Variants in SLC44A5 observed in about 807,000 individuals in gnomAD.
SLC44A5 encodes the protein solute carrier family 44 member 5, also known as choline transporter-like protein 5.
In SLC44A5, 57 loss-of-function variants were observed where a neutral mutation model predicts 101.8. The observed-to-expected ratio is 0.56, with a 90% CI of 0.45 to 0.70. The LOEUF is 0.70. Among genes scored for constraint, SLC44A5 ranks in the 30% least tolerant of loss-of-function variants. The pLI, the probability that SLC44A5 is intolerant of heterozygous loss-of-function variation, is 0.00. For synonymous variants in SLC44A5, 281 were observed against 290.9 expected (o/e 0.97, Z 0.35); for missense variants, 737 against 853.1 (o/e 0.86, Z 1.70).
chr1:75,563,739 C>A (rs1316347602), intron 1 of SLC44A5, among the ~76,000 whole-genome samples: 10 of 152,004 alleles, frequency 6.6e-5, no homozygotes, highest in Admixed American at 6.6e-4. Flanking sequence ...CCGCATTATC[C>A]TAAACCACAT....
At chr1:75,259,086 A>C (rs1171423021) in intron 6 of SLC44A5, among the ~76,000 whole-genome samples, 1 of 152,204 alleles carries the variant, frequency 6.6e-6, no homozygotes, top group Non-Finnish European at 1.5e-5. Flanking sequence ...CAGCACAAAA[A>C]GGCTGAAAAT....
rs1175778408 is a variant in SLC44A5, at chr1:75,211,834, T to TTTTC, written c.1963-283_1963-282insGAAA. Reference sequence around the variant, plus strand: ...TTCCCCTTTCTTTTCTTTTCTTTTCTTTTTTTTCTTTTCTTTTCCCTCCCT... The same window carrying TTTTC: ...TTCCCCTTTCTTTTCTTTTCTTTTCTTTTCTTTTTTTCTTTTCTTTTCCCTCCCT... On this transcript the variant is annotated intron_variant, in intron 22 of 23. Coordinates refer to ENST00000370859, the MANE Select transcript of SLC44A5 (RefSeq NM_001130058.2). 7.0e-4 allele frequency among the ~76,000 whole-genome samples: 105 copies of TTTTC among 150,540 alleles called. 1 individual carries two copies. Among genetic ancestry groups the TTTTC allele is most frequent in the African/African-American group, 2.3e-3 (96 of 41,014 alleles).
the SLC44A5 span, among the ~76,000 whole-genome samples, chr1:75,693,411 C>T: frequency 1.3e-5 from 2 of 152,192 alleles, no homozygotes; most frequent in South Asian, 4.1e-4. Context: ...AACAAACCCA[C>T]TGCCTCCTAG....
the SLC44A5 span, among the ~76,000 whole-genome samples, chr1:75,699,814 T>G: frequency 5.9e-5 from 9 of 152,188 alleles, no homozygotes; most frequent in Admixed American, 5.9e-4. Context: ...GAGGAAGATC[T>G]ACCAAGCAAA....
intron 1 of SLC44A5, among the ~76,000 whole-genome samples, chr1:75,581,325 T>C (rs1429500495): frequency 1.3e-5 from 2 of 152,182 alleles, no homozygotes; most frequent in East Asian, 1.9e-4. Context: ...ATGGAGCCTG[T>C]TAAAATTGTT....
chr1:75,371,560 A>G (rs1235479637), intron 3 of SLC44A5, among the ~76,000 whole-genome samples: 1 of 152,208 alleles, frequency 6.6e-6, no homozygotes, highest in Non-Finnish European at 1.5e-5. Context: ...ATGAAAAATT[A>G]AAAAATCAAA....
intron 1 of SLC44A5, among the ~76,000 whole-genome samples, chr1:75,581,122 G>A (rs1414255543): frequency 6.6e-6 from 1 of 152,168 alleles, no homozygotes; most frequent in Non-Finnish European, 1.5e-5. Flanking sequence ...GCCAGACCCT[G>A]AAGGCTGATG....
chr1:75,302,599 C>G lies in SLC44A5; in HGVS notation c.102-1914G>C, dbSNP rs1021639935. Among the ~76,000 whole-genome samples, 8 of 152,152 alleles carry G rather than the reference C, an allele frequency of 5.3e-5. No individual in the cohort carries two copies. In the South Asian group the frequency reaches 1.7e-3, roughly 32 times the overall value. ...ACCCTGTATTTTGTTTTTTCCTATA[C>G]ATGCAGACCTATGATAAAGTTTACT... On this transcript the variant is annotated intron_variant, in intron 4 of 23. Transcript: ENST00000370859.
intron 6 of SLC44A5, among the ~76,000 whole-genome samples, chr1:75,263,806 A>G (rs1207865517): frequency 1.3e-5 from 2 of 152,212 alleles, no homozygotes; most frequent in African/African-American, 4.8e-5. Flanking sequence ...AGCCATAAAA[A>G]AGGATGAGCT....
chr1:75,269,072 A>AT (rs1651242586), intron 6 of SLC44A5, among the ~76,000 whole-genome samples: 1 of 152,036 alleles, frequency 6.6e-6, no homozygotes, highest in Non-Finnish European at 1.5e-5. Context: ...AAATGAGGCG[A>AT]TTTTTTCTCC....
the SLC44A5 span, among the ~76,000 whole-genome samples, chr1:75,698,823 T>C: frequency 6.6e-6 from 1 of 152,128 alleles, no homozygotes; most frequent in Non-Finnish European, 1.5e-5. Flanking sequence ...CTGATGGAGC[T>C]GAAAACCAAG....
the SLC44A5 span, among the ~76,000 whole-genome samples, chr1:75,651,966 AC>A: frequency 6.6e-6 from 1 of 152,028 alleles, no homozygotes; most frequent in Non-Finnish European, 1.5e-5. Flanking sequence ...TAGATAGAAA[AC>A]CCTGAAACAA....
chr1:75,571,733 C>G (rs191813585), intron 1 of SLC44A5, among the ~76,000 whole-genome samples: 44 of 152,176 alleles, frequency 2.9e-4, no homozygotes, highest in Admixed American at 6.5e-5. Context: ...GTATTAAATG[C>G]CTTTTTGACT....
intron 4 of SLC44A5, among the ~76,000 whole-genome samples, chr1:75,307,700 CT>C (rs1384828245): frequency 1.3e-5 from 2 of 152,210 alleles, no homozygotes; most frequent in Non-Finnish European, 2.9e-5. Flanking sequence ...TATCCACCCC[CT>C]TGGTTCCAGT....
intron 2 of SLC44A5, among the ~76,000 whole-genome samples, chr1:75,422,156 T>G (rs919246269): frequency 2.0e-5 from 3 of 152,190 alleles, no homozygotes; most frequent in African/African-American, 7.2e-5. Flanking sequence ...GAAATGCCCT[T>G]TGAAAAAGGC....
At chr1:75,538,706 G>T (rs2101944159) in intron 2 of SLC44A5, among the ~76,000 whole-genome samples, 1 of 152,340 alleles carries the variant, frequency 6.6e-6, no homozygotes, top group South Asian at 2.1e-4. Flanking sequence ...TTAAATGTCT[G>T]TTGGCTTTGT....
At chr1:75,578,099 T>C (rs973341097) in intron 1 of SLC44A5, among the ~76,000 whole-genome samples, 4 of 152,136 alleles carry the variant, frequency 2.6e-5, no homozygotes, top group African/African-American at 7.2e-5. Context: ...TTTTAATAGC[T>C]TTTAAATAAA....
At chr1:75,499,194 C>T (rs1016612893) in intron 2 of SLC44A5, among the ~76,000 whole-genome samples, 19 of 152,052 alleles carry the variant, frequency 1.2e-4, no homozygotes, top group African/African-American at 3.1e-4. Context: ...TTTTTGGCAC[C>T]GGGGACCTGA....
intron 3 of SLC44A5, among the ~76,000 whole-genome samples, chr1:75,346,414 T>G (rs914700378): frequency 3.9e-5 from 6 of 152,116 alleles, no homozygotes; most frequent in Non-Finnish European, 8.8e-5. Context: ...AAGTAACAAC[T>G]AAAAGAAGCA....
Sources: gnomAD v4.1 joint callset for allele counts (sites outside exome capture counted in the v4.1 genomes callset) on GRCh38, gnomAD v4.1.1 for gene constraint, MANE v1.5 for transcripts, NCBI Gene and HGNC (gene_info 2026-07-23, HGNC 2026-07-21) for gene names.